SLC25A13: variants seen among roughly 807,000 people sequenced by gnomAD.
SLC25A13 encodes the protein solute carrier family 25 member 13.
In SLC25A13, 70 loss-of-function variants were observed where a neutral mutation model predicts 85.5. That is an observed-to-expected ratio of 0.82 (90% CI 0.68 to 1.00). SLC25A13 has a LOEUF of 1.00. Ranked by LOEUF, SLC25A13 falls within the 50% of genes least tolerant of loss-of-function variation. The probability of loss-of-function intolerance (pLI) is 0.00; values close to 1 mark genes in which losing one functional copy is unlikely to be tolerated. For synonymous variants in SLC25A13, 259 were observed against 288.7 expected (o/e 0.90, Z 1.04); for missense variants, 765 against 819.8 (o/e 0.93, Z 0.82).
At chr7:96,224,818 C>G (rs1449896170) in intron 4 of SLC25A13, among the ~76,000 whole-genome samples, 2 of 152,146 alleles carry the variant, frequency 1.3e-5, no homozygotes, top group African/African-American at 4.8e-5. Flanking sequence ...TAACTGACAC[C>G]TATCTGGATT....
At chr7:96,153,083 A>G (rs1210084504) in intron 13 of SLC25A13, among the ~76,000 whole-genome samples, 2 of 152,258 alleles carry the variant, frequency 1.3e-5, no homozygotes, top group Non-Finnish European at 2.9e-5. Flanking sequence ...GTGCTTACGC[A>G]TAACAGTACA....
chr7:96,193,299 A>G, intron 5 of SLC25A13, 116 bp from the exon 6 acceptor site: 7 of 1,278,006 alleles, frequency 5.5e-6, no homozygotes, highest in Middle Eastern at 2.3e-4. Context: ...TGATCTAACA[A>G]GCCCTCATCT....
chr7:96,196,626 A>T (rs960528256), intron 5 of SLC25A13, among the ~76,000 whole-genome samples: 1 of 152,230 alleles, frequency 6.6e-6, no homozygotes, highest in Admixed American at 6.5e-5. Flanking sequence ...TAAGAAAGTT[A>T]TTTTAAGTCT....
At position 96,201,979 on chromosome 7, in the gene SLC25A13, G is replaced by A. The variant is rs1795274529; in HGVS notation, c.468+6859C>T. Among the ~76,000 whole-genome samples the A allele has an allele frequency of 1.3e-5, 2 of 152,122 alleles. 1 individual carries two copies. The highest frequency in any genetic ancestry group is 3.9e-4 in the East Asian group (2 of 5,192). ...GACATTGGCAACTACCGTCACCCGG[G>A]AGCAGCAGACTTCTAGAGTTCTACT... On this transcript the variant is annotated intron_variant, in intron 5 of 17. Transcript: ENST00000265631.
intron 8 of SLC25A13, 36 bp from the exon 9 acceptor site, chr7:96,189,414 C>T (rs749618819): frequency 1.9e-6 from 3 of 1,582,464 alleles, no homozygotes; most frequent in Non-Finnish European, 2.6e-6. Context: ...AACAAATATA[C>T]CAATTTATTA....
chr7:96,290,363 T>C (rs1799068934), intron 2 of SLC25A13, among the ~76,000 whole-genome samples: 1 of 152,142 alleles, frequency 6.6e-6, no homozygotes, highest in African/African-American at 2.4e-5. Flanking sequence ...AGAAACTGTA[T>C]GAAGCAACGA....
intron 15 of SLC25A13, among the ~76,000 whole-genome samples, chr7:96,131,051 C>T (rs1020648383): frequency 5.3e-5 from 8 of 152,120 alleles, no homozygotes; most frequent in South Asian, 2.1e-4. Flanking sequence ...ATCCTGTGAC[C>T]GCCTTAGGGT....
intron 13 of SLC25A13, among the ~76,000 whole-genome samples, chr7:96,162,665 T>G (rs563114914): frequency 1.3e-5 from 2 of 152,216 alleles, no homozygotes; most frequent in Non-Finnish European, 2.9e-5. Context: ...AAAGGCTAGG[T>G]GGCTGGCAAG....
chr7:96,160,325 T>C (rs902501917), intron 13 of SLC25A13, among the ~76,000 whole-genome samples: 1 of 152,218 alleles, frequency 6.6e-6, no homozygotes, highest in Non-Finnish European at 1.5e-5. Context: ...AGTTGGACTT[T>C]CCTCTAATAA....
intron 3 of SLC25A13, among the ~76,000 whole-genome samples, chr7:96,267,128 C>T (rs566629133): frequency 6.6e-6 from 1 of 152,288 alleles, no homozygotes; most frequent in Admixed American, 6.5e-5. Flanking sequence ...ATGATGAGCA[C>T]TTCAGGCTGT....
At chr7:96,185,169 A>G (rs1274737955) in intron 9 of SLC25A13, among the ~76,000 whole-genome samples, 158 bp from the exon 10 acceptor site, 2 of 152,254 alleles carry the variant, frequency 1.3e-5, no homozygotes, top group Non-Finnish European at 2.9e-5. Context: ...TGGATTTCAT[A>G]AGTTCTTATT....
intron 11 of SLC25A13, among the ~76,000 whole-genome samples, chr7:96,182,299 A>T (rs1217908597): frequency 1.3e-5 from 2 of 152,328 alleles, no homozygotes; most frequent in East Asian, 1.9e-4. Flanking sequence ...TTTACAGTAA[A>T]TTTTTTGTTT....
chr7:96,251,632 G>A (rs1448207229), intron 3 of SLC25A13, among the ~76,000 whole-genome samples: 3 of 152,202 alleles, frequency 2.0e-5, no homozygotes, highest in African/African-American at 7.2e-5. Context: ...CCAACTGGAA[G>A]CCACACACCA....
chr7:96,306,948 C>T, intron 1 of SLC25A13: 1 of 902,168 alleles, frequency 1.1e-6, no homozygotes, highest in Non-Finnish European at 1.8e-6. Flanking sequence ...ACTCGCATTT[C>T]CTCCTGTAGT....
At chr7:96,295,758 C>A (rs889523903) in intron 2 of SLC25A13, among the ~76,000 whole-genome samples, 1 of 152,010 alleles carries the variant, frequency 6.6e-6, no homozygotes, top group Non-Finnish European at 1.5e-5. Context: ...CATCAAATTT[C>A]TCATTTGACA....
At position 96,249,577 on chromosome 7, in the gene SLC25A13, A is replaced by G. The variant is rs553088569; in HGVS notation, c.213-14660T>C. 3.5e-4 allele frequency among the ~76,000 whole-genome samples: 53 copies of G among 152,336 alleles called. No individual in the cohort carries two copies. In the Middle Eastern group the frequency reaches 0.024, roughly 68 times the overall value. The stretch of plus-strand genomic sequence containing the variant: ...AATTTTCTGTCCCAATTGATCTGGC[A>G]TGTTTCCCCATTCTATGCCATCCTA... On this transcript the variant is annotated intron_variant, in intron 3 of 17. Transcript: ENST00000265631.
chr7:96,238,394 G>GT (rs11386446), intron 3 of SLC25A13, among the ~76,000 whole-genome samples: 83,282 of 148,482 alleles, frequency 0.56, 24,083 homozygotes, highest in Non-Finnish European at 0.64. Flanking sequence ...CAACTAATTT[G>GT]TTTTTTTTTT....
At chr7:96,240,158 AT>A (rs1796915008) in intron 3 of SLC25A13, among the ~76,000 whole-genome samples, 1 of 90,800 alleles carries the variant, frequency 1.1e-5, no homozygotes, top group Non-Finnish European at 2.3e-5. Context: ...CAGACTAAAA[AT>A]TGTGATATTA....
chr7:96,228,544 G>A (rs983873691), intron 4 of SLC25A13, among the ~76,000 whole-genome samples: 3 of 152,232 alleles, frequency 2.0e-5, no homozygotes, highest in South Asian at 2.1e-4. Flanking sequence ...CCACTGAGAG[G>A]TGACAATGTG....
Sources: allele counts gnomAD v4.1 joint callset (sites outside exome capture counted in the v4.1 genomes callset), GRCh38; gene constraint gnomAD v4.1.1; transcripts MANE v1.5; gene names NCBI Gene and HGNC (gene_info 2026-07-23, HGNC 2026-07-21).